The following KANK1 variants were observed in gnomAD, a reference collection of about 807,000 sequenced individuals.
KANK1 encodes the protein KN motif and ankyrin repeat domain-containing protein 1.
KANK1 carries 109 observed loss-of-function variants against 106.2 expected under a neutral mutation model. That is an observed-to-expected ratio of 1.03 (90% CI 0.88 to 1.20). The LOEUF (loss-of-function observed/expected upper bound fraction) is 1.20, where lower values mean the gene tolerates loss of function less well. KANK1 is among the 50% of genes most tolerant of loss of function. The probability of loss-of-function intolerance (pLI) is 0.00; values close to 1 mark genes in which losing one functional copy is unlikely to be tolerated. For missense variants in KANK1, 2,399 were observed against 1,710.7 expected (o/e 1.40, Z -7.10); for synonymous variants, 873 against 652.2 (o/e 1.34, Z -5.16).
rs201913622 is a variant in KANK1 at position 742,206 on chromosome 9, C to T, written c.3698C>T (p.Ala1233Val). 58 of 1,613,692 alleles carry T rather than the reference C, an allele frequency of 3.6e-5. No individual in the cohort carries two copies. The highest frequency in any genetic ancestry group is 9.9e-5 in the South Asian group (9 of 91,048). ...CGDVNAKASQ[A>V]GQTALMLAVS... ...AGTCCTTGTCATCTCTTCCCATAGG[C>T]GGGACAGACGGCCCTCATGCTGGCG... The change falls in exon 10 of 12, where the codon GCG becomes GTG. Residue 1233 changes from alanine (A) to valine (V), a missense_variant and splice_region_variant. By Grantham distance (64) the Ala-to-Val change is moderately conservative (BLOSUM62 0). Coordinates refer to ENST00000382297, the MANE Select transcript of KANK1 (RefSeq NM_015158.5).
chr9:710,638 AAC>A lies in KANK1; in HGVS notation c.38-164_38-163del, dbSNP rs1260457765. 0.091 allele frequency among the ~76,000 whole-genome samples: 9,953 copies of A among 109,020 alleles called. 1,826 individuals are homozygous for A. The highest frequency in any genetic ancestry group is 0.18 in the African/African-American group (2,646 of 14,608). The allele number at this position is 109,020 out of a possible 152,430, so 71.5% of individuals were successfully genotyped here. ...CTCAAAAAAAAAAAAAACAAAAAAA[AAC>A]AAAAAAAACTTGCTTACCCAGCTGT... On this transcript the variant is annotated intron_variant, in intron 2 of 11. Transcript: ENST00000382297.
chr9:485,547 C>T (rs1564115789), intron 3 of KANK1, among the ~76,000 whole-genome samples: 2 of 152,234 alleles, frequency 1.3e-5, no homozygotes, highest in African/African-American at 4.8e-5. Flanking sequence ...CCTGGATCTA[C>T]ATAGAACCTG....
intron 1 of KANK1, among the ~76,000 whole-genome samples, chr9:574,871 GAAA>G (rs889539405): frequency 7.0e-6 from 1 of 142,978 alleles, no homozygotes; most frequent in Non-Finnish European, 1.5e-5. Flanking sequence ...AAAAAAAAAA[GAAA>G]AAAAATATTT....
chr9:549,109 A>T (rs542883207), intron 1 of KANK1: 5 of 152,210 alleles, frequency 3.3e-5, no homozygotes, highest in African/African-American at 1.2e-4. Context: ...TTCCACAGAA[A>T]AACAGGACAA....
At chr9:487,625 A>G (rs1303002598) in intron 3 of KANK1, 1 of 152,228 alleles carries the variant, frequency 6.6e-6, no homozygotes, top group African/African-American at 2.4e-5. Flanking sequence ...TCTAAGTTCT[A>G]ATGCCATTGT....
intron 1 of KANK1, among the ~76,000 whole-genome samples, chr9:640,029 C>G (rs1838038673): frequency 6.6e-6 from 1 of 152,134 alleles, no homozygotes; most frequent in African/African-American, 2.4e-5. Context: ...TCTTGGGAGA[C>G]ACAAAACATT....
intron 1 of KANK1, among the ~76,000 whole-genome samples, chr9:651,739 G>A (rs1840923581): frequency 6.6e-6 from 1 of 152,154 alleles, no homozygotes; most frequent in South Asian, 2.1e-4. Flanking sequence ...GTGAGTTAGG[G>A]ATTTTCAGTT....
At chr9:578,821 C>T (rs922372919) in intron 1 of KANK1, among the ~76,000 whole-genome samples, 1 of 152,122 alleles carries the variant, frequency 6.6e-6, no homozygotes. Context: ...TTTTCTCCCA[C>T]CTCTGTATAA....
At chr9:516,998 TACACACACAC>T (rs148954863) in intron 1 of KANK1, among the ~76,000 whole-genome samples, 2 of 145,478 alleles carry the variant, frequency 1.4e-5, no homozygotes, top group Non-Finnish European at 3.0e-5. Context: ...CATCACCCTC[TACACACACAC>T]ACACACACAC....
intron 2 of KANK1, among the ~76,000 whole-genome samples, chr9:688,224 G>T (rs1331261954): frequency 6.6e-6 from 1 of 152,192 alleles, no homozygotes; most frequent in African/African-American, 2.4e-5. Flanking sequence ...CTTTTACTGT[G>T]TCACACACAC....
At chr9:653,283 G>A (rs1477998312) in intron 1 of KANK1, among the ~76,000 whole-genome samples, 1 of 152,096 alleles carries the variant, frequency 6.6e-6, no homozygotes, top group East Asian at 1.9e-4. Context: ...AACTGGAAAT[G>A]AAAATGCGGT....
At chr9:695,221 C>G (rs1441792757) in intron 2 of KANK1, among the ~76,000 whole-genome samples, 1 of 152,166 alleles carries the variant, frequency 6.6e-6, no homozygotes, top group Non-Finnish European at 1.5e-5. Context: ...AAAGCACCGT[C>G]TTTGCACAGT....
chr9:612,022 A>G (rs1324767008), intron 1 of KANK1, among the ~76,000 whole-genome samples: 1 of 152,174 alleles, frequency 6.6e-6, no homozygotes, highest in Non-Finnish European at 1.5e-5. Flanking sequence ...CCGGCCGACC[A>G]TCTAACTCTT....
chr9:591,500 A>G (rs990291438), intron 1 of KANK1, among the ~76,000 whole-genome samples: 2 of 151,304 alleles, frequency 1.3e-5, no homozygotes, highest in East Asian at 3.9e-4. Flanking sequence ...ACCTCTTGTC[A>G]CTCACCCTTG....
At chr9:591,594 C>T (rs1346994223) in intron 1 of KANK1, among the ~76,000 whole-genome samples, 1 of 151,776 alleles carries the variant, frequency 6.6e-6, no homozygotes, top group Non-Finnish European at 1.5e-5. Context: ...TCTGCAGGTG[C>T]AGTTTCTTTG....
In KANK1 at chr9:602,322, T is replaced by G. The variant is rs544935424; in HGVS notation, c.-83-74568T>G. On this transcript the variant is annotated intron_variant, in intron 1 of 11. Transcript: ENST00000382297. ...GTTGCCAGGCTGGTGTGCAGTGGTGTGGTCTTGGCTCACTGCAACCTCCCG... is the reference window on the plus strand; with the variant it reads ...GTTGCCAGGCTGGTGTGCAGTGGTGGGGTCTTGGCTCACTGCAACCTCCCG... Among the ~76,000 whole-genome samples the G allele has an allele frequency of 5.9e-5, 9 of 151,832 alleles. No homozygotes were observed. In the East Asian group the frequency reaches 1.5e-3, roughly 26 times the overall value.
At chr9:586,359 A>G (rs192902932) in intron 1 of KANK1, among the ~76,000 whole-genome samples, 1 of 152,202 alleles carries the variant, frequency 6.6e-6, no homozygotes, top group Non-Finnish European at 1.5e-5. Flanking sequence ...GAGAGTGGAT[A>G]GGCTGTGATC....
At chr9:558,060 G>C (rs1815332457) in intron 1 of KANK1, among the ~76,000 whole-genome samples, 1 of 152,218 alleles carries the variant, frequency 6.6e-6, no homozygotes, top group Admixed American at 6.5e-5. Flanking sequence ...GAACCCAGGA[G>C]TGAAGATCGG....
chr9:619,093 CCT>C (rs948291520), intron 1 of KANK1, among the ~76,000 whole-genome samples: 12 of 152,132 alleles, frequency 7.9e-5, no homozygotes, highest in African/African-American at 2.9e-4. Flanking sequence ...TAAGTACAAG[CCT>C]CTCTTTTTAA....
Sources: allele counts gnomAD v4.1 joint callset (sites outside exome capture counted in the v4.1 genomes callset), GRCh38; gene constraint gnomAD v4.1.1; transcripts MANE v1.5; gene names NCBI Gene and HGNC (gene_info 2026-07-23, HGNC 2026-07-21).